Variants in NAA15 observed in about 807,000 individuals in gnomAD.
NAA15 encodes N-terminal acetyltransferase.
Under a neutral mutation model 114.0 loss-of-function variants are expected in NAA15, and 34 were observed. The observed-to-expected ratio is 0.30, with a 90% CI of 0.23 to 0.40. The LOEUF (loss-of-function observed/expected upper bound fraction) is 0.40, where lower values mean the gene tolerates loss of function less well. Ranked by LOEUF, NAA15 falls within the 10% of genes least tolerant of loss-of-function variation. NAA15 has a pLI of 1.00. For missense variants in NAA15, 658 were observed against 1,004.5 expected, an observed-to-expected ratio of 0.66 and a Z score of 4.66; for synonymous variants, 340 against 338.0, an observed-to-expected ratio of 1.01 and a Z score of -0.06.
intron 1 of NAA15, among the ~76,000 whole-genome samples, chr4:139,305,771 T>G (rs924817543): frequency 5.3e-5 from 8 of 152,266 alleles, no homozygotes; most frequent in South Asian, 2.1e-4. Context: ...CAGCCTCAAG[T>G]GATCCACCCG....
chr4:139,338,538 C>G (rs1157925392), intron 3 of NAA15, among the ~76,000 whole-genome samples: 1 of 152,104 alleles, frequency 6.6e-6, no homozygotes, highest in Non-Finnish European at 1.5e-5. Context: ...ACCTCTGCCT[C>G]CCTGCTTCAA....
At chr4:139,314,673 C>G (rs1398818554) in intron 1 of NAA15, among the ~76,000 whole-genome samples, 1 of 151,796 alleles carries the variant, frequency 6.6e-6, no homozygotes, top group African/African-American at 2.4e-5. Flanking sequence ...CCAACTGTTT[C>G]TTTGTTAGGG....
chr4:139,317,628 C>A (rs1269234645), intron 1 of NAA15, among the ~76,000 whole-genome samples: 1 of 152,090 alleles, frequency 6.6e-6, no homozygotes, highest in Non-Finnish European at 1.5e-5. Context: ...CTTGAAAAAA[C>A]AACAAAACAA....
chr4:139,350,647 G>T (rs1251975592), intron 7 of NAA15, among the ~76,000 whole-genome samples: 1 of 152,166 alleles, frequency 6.6e-6, no homozygotes. Context: ...AAGATTCTCA[G>T]ACTGATTTAG....
chr4:139,301,891 C>T lies in NAA15; in HGVS notation c.54+60C>T, dbSNP rs373274176. On this transcript the variant is annotated intron_variant, in intron 1 of 19. Transcript: ENST00000296543. ...ATTTAGCCGGTAACCGGGCCTGTCA[C>T]CCCTAACCTCGGCCCGGCGGGCACT... is the stretch of plus-strand genomic sequence containing the variant. 1,691 of 1,523,880 alleles carry T rather than the reference C, an allele frequency of 1.1e-3. 2 individuals carry two copies. The highest frequency in any genetic ancestry group is 1.4e-3 in the Non-Finnish European group (1,586 of 1,125,268). The allele number at this position is 1,523,880 out of a possible 1,614,324, so 94.4% of individuals were successfully genotyped here. A position where few individuals can be genotyped will look rare whatever the true frequency, so the allele number is the denominator to read the frequency against.
chr4:139,368,118 G>C (rs1180219153), intron 14 of NAA15, among the ~76,000 whole-genome samples: 3 of 152,134 alleles, frequency 2.0e-5, no homozygotes, highest in Admixed American at 2.0e-4. Flanking sequence ...CTCATGTCCA[G>C]GTACCAAAAT....
intron 2 of NAA15, 45 bp downstream of exon 2, chr4:139,334,303 C>A: frequency 7.9e-7 from 1 of 1,260,726 alleles, no homozygotes; most frequent in South Asian, 1.5e-5. Context: ...TGTCTGGCCT[C>A]TCTTACTGGA....
At chr4:139,385,149 G>A (rs115337787) in intron 18 of NAA15, among the ~76,000 whole-genome samples, 171 bp downstream of exon 18, 1 of 151,030 alleles carries the variant, frequency 6.6e-6, no homozygotes, top group African/African-American at 2.5e-5. Context: ...GGGCACAGTG[G>A]CACATACCGG....
chr4:139,376,664 T>G (rs1748590138), intron 16 of NAA15, among the ~76,000 whole-genome samples, 191 bp downstream of exon 16: 1 of 152,204 alleles, frequency 6.6e-6, no homozygotes, highest in Admixed American at 6.5e-5. Flanking sequence ...TTTAGGATAT[T>G]AGAATCAATG....
intron 19 of NAA15, 28 bp from the exon 20 acceptor site, chr4:139,387,856 T>C: frequency 1.9e-6 from 3 of 1,590,332 alleles, no homozygotes; most frequent in Non-Finnish European, 1.7e-6. Flanking sequence ...TTTGACCAGT[T>C]ACAACATGAC....
chr4:139,371,847 C>G (rs976055818), intron 15 of NAA15, among the ~76,000 whole-genome samples: 17 of 152,202 alleles, frequency 1.1e-4, no homozygotes, highest in African/African-American at 3.6e-4. Context: ...CTTACTTTTC[C>G]CTTTATCCCA....
At position 139,389,749 on chromosome 4, in the gene NAA15, ATACTC is replaced by A. The variant is rs1368847486; in HGVS notation, c.*1668_*1672del. ...GTGGAACATGTAGTTTATAGAAAGT[ATACTC>A]TAAAGGGAATTTGCCGAAGACCTTT... On this transcript the variant is annotated 3_prime_UTR_variant, in exon 20 of 20. Transcript: ENST00000296543. 6.6e-6 allele frequency: 1 copy of A among 152,622 alleles called. No individual in the cohort carries two copies. Among genetic ancestry groups the A allele is most frequent in the East Asian group, 1.9e-4 (1 of 5,198 alleles). 9.5% of individuals were successfully genotyped at this position (152,622 alleles called of 1,614,324 possible).
chr4:139,315,533 A>G (rs998701555), intron 1 of NAA15, among the ~76,000 whole-genome samples: 1 of 151,724 alleles, frequency 6.6e-6, no homozygotes, highest in African/African-American at 2.4e-5. Flanking sequence ...CAACAATAAC[A>G]ACAACAACAA....
intron 16 of NAA15, among the ~76,000 whole-genome samples, chr4:139,377,560 A>G (rs1403681257): frequency 6.6e-6 from 1 of 151,910 alleles, no homozygotes; most frequent in African/African-American, 2.4e-5. Context: ...GGTCATGTTT[A>G]TCAAAAGTAA....
At chr4:139,387,741 T>G in intron 19 of NAA15, 143 bp from the exon 20 acceptor site, 1 of 649,166 alleles carries the variant, frequency 1.5e-6, no homozygotes, top group Non-Finnish European at 2.7e-6. Flanking sequence ...AACATTCTAA[T>G]AGAATGCATA....
chr4:139,312,520 A>G (rs371762687), intron 1 of NAA15, among the ~76,000 whole-genome samples: 5 of 152,104 alleles, frequency 3.3e-5, no homozygotes, highest in African/African-American at 1.2e-4. Flanking sequence ...ATGGCATTAA[A>G]ATAATCCCTT....
chr4:139,315,070 G>T (rs112815269), intron 1 of NAA15, among the ~76,000 whole-genome samples: 28,984 of 128,502 alleles, frequency 0.23, 5,119 homozygotes, highest in African/African-American at 0.34. Flanking sequence ...GTTTAGTTTA[G>T]TTTAGTTTTT....
intron 14 of NAA15, among the ~76,000 whole-genome samples, chr4:139,362,493 G>A (rs1021542431): frequency 1.3e-5 from 2 of 152,030 alleles, no homozygotes; most frequent in Admixed American, 6.6e-5. Context: ...GGCTGGTCTC[G>A]AACCCCTGAC....
At chr4:139,306,239 ATT>A (rs1387912243) in intron 1 of NAA15, among the ~76,000 whole-genome samples, 2 of 151,996 alleles carry the variant, frequency 1.3e-5, no homozygotes, top group African/African-American at 4.8e-5. Flanking sequence ...GTAAGAGTTT[ATT>A]TTATTTTGTT....
Sources: gnomAD v4.1 joint callset for allele counts (sites outside exome capture counted in the v4.1 genomes callset) on GRCh38, gnomAD v4.1.1 for gene constraint, MANE v1.5 for transcripts, NCBI Gene and HGNC (gene_info 2026-07-23, HGNC 2026-07-21) for gene names.